Variants in GRAMD1B observed in about 807,000 individuals in gnomAD.
The protein encoded by GRAMD1B is protein Aster-B.
GRAMD1B carries 37 observed loss-of-function variants against 99.7 expected under a neutral mutation model. The ratio of observed to expected loss-of-function variants is 0.37; its 90% confidence interval spans 0.29 to 0.49. The LOEUF (loss-of-function observed/expected upper bound fraction) is 0.49, where lower values mean the gene tolerates loss of function less well. GRAMD1B is among the 20% of genes least tolerant of loss of function. The probability of loss-of-function intolerance (pLI) is 0.98; values close to 1 mark genes in which losing one functional copy is unlikely to be tolerated. For synonymous variants in GRAMD1B, 427 were observed against 387.6 expected (o/e 1.10, Z -1.19); for missense variants, 888 against 1,009.2 (o/e 0.88, Z 1.63).
At chr11:123,514,897 G>C (rs1045889500) in intron 2 of GRAMD1B, among the ~76,000 whole-genome samples, 5 of 152,168 alleles carry the variant, frequency 3.3e-5, no homozygotes, top group Non-Finnish European at 4.4e-5. Flanking sequence ...CAGGGATTGT[G>C]TGTTTTGTTT....
chr11:123,607,019 G>A (rs764625336), intron 11 of GRAMD1B, among the ~76,000 whole-genome samples: 12 of 152,100 alleles, frequency 7.9e-5, no homozygotes, highest in Non-Finnish European at 1.6e-4. Context: ...ATTTAGTCTT[G>A]TCACTAAATG....
At chr11:123,400,684 C>T (rs1301617254) in intron 1 of GRAMD1B, among the ~76,000 whole-genome samples, 2 of 152,020 alleles carry the variant, frequency 1.3e-5, no homozygotes, top group African/African-American at 4.8e-5. Context: ...AGGGCTCCAC[C>T]CTCATGACCT....
intron 1 of GRAMD1B, among the ~76,000 whole-genome samples, chr11:123,458,099 A>G (rs1950244152): frequency 6.6e-6 from 1 of 152,146 alleles, no homozygotes. Flanking sequence ...ACCTAGTTGG[A>G]GTTCTGAGAG....
At chr11:123,466,473 GAAAGAAAGAAAGAA>G (rs1158574136) in intron 1 of GRAMD1B, among the ~76,000 whole-genome samples, 75 of 148,850 alleles carry the variant, frequency 5.0e-4, no homozygotes, top group East Asian at 1.4e-3. Context: ...AGAAAGAAAA[GAAAGAAAGAAAGAA>G]AAAGAAAGAA....
intron 2 of GRAMD1B, among the ~76,000 whole-genome samples, chr11:123,497,325 AC>A (rs1031399380): frequency 1.1e-4 from 17 of 152,016 alleles, no homozygotes; most frequent in Admixed American, 6.6e-5. Flanking sequence ...AAACAGAAGC[AC>A]CCCTGTCGCC....
At chr11:123,483,762 A>G (rs1032599126) in intron 2 of GRAMD1B, among the ~76,000 whole-genome samples, 3 of 152,124 alleles carry the variant, frequency 2.0e-5, no homozygotes, top group African/African-American at 7.2e-5. Flanking sequence ...TCCCCTTCAT[A>G]GGAGTGTTCA....
intron 1 of GRAMD1B, among the ~76,000 whole-genome samples, chr11:123,389,813 T>C (rs1479117108): frequency 6.6e-6 from 1 of 152,144 alleles, no homozygotes; most frequent in Non-Finnish European, 1.5e-5. Flanking sequence ...TGGTACAATC[T>C]GGGCTCACTG....
intron 1 of GRAMD1B, among the ~76,000 whole-genome samples, chr11:123,434,704 C>G (rs1057480473): frequency 6.6e-6 from 1 of 152,166 alleles, no homozygotes; most frequent in Non-Finnish European, 1.5e-5. Flanking sequence ...ATGAGAATTG[C>G]TTGAACTTTG....
intron 4 of GRAMD1B, 149 bp from the exon 5 acceptor site, chr11:123,593,933 T>C: frequency 1.6e-6 from 1 of 633,856 alleles, no homozygotes. Context: ...CGAGGCGCCG[T>C]TCCTCAGCCT....
intron 1 of GRAMD1B, among the ~76,000 whole-genome samples, chr11:123,422,737 T>G (rs865874646): frequency 6.6e-6 from 1 of 152,212 alleles, no homozygotes; most frequent in African/African-American, 2.4e-5. Flanking sequence ...TCTGCACATG[T>G]GGGTCTTCTG....
At chr11:123,426,180 A>C (rs1024685950), upstream of GRAMD1B, among the ~76,000 whole-genome samples, 31 of 152,196 alleles carry the variant, frequency 2.0e-4, no homozygotes, top group African/African-American at 5.3e-4. Flanking sequence ...TCTGGGTCTT[A>C]GAGACCCACA....
rs532585418 is a variant in GRAMD1B, at chr11:123,593,687, G to A, written c.685-395G>A. The stretch of plus-strand genomic sequence containing the variant: ...GGTGCTCTGGGCAACATCATGGGGG[G>A]CTGGGCAGCCTTCTTGGGTCCCTGC... On this transcript the variant is annotated intron_variant, in intron 4 of 19. Transcript: ENST00000635736. 1.4e-4 allele frequency among the ~76,000 whole-genome samples: 21 copies of A among 152,322 alleles called. No homozygotes were observed. In the South Asian group the frequency reaches 4.3e-3, roughly 32 times the overall value.
chr11:123,516,306 C>T (rs57155742), intron 2 of GRAMD1B, among the ~76,000 whole-genome samples: 4,615 of 152,232 alleles, frequency 0.03, 237 homozygotes, highest in African/African-American at 0.11. Context: ...TGTTGTGATG[C>T]TGAGAGAAGG....
intron 1 of GRAMD1B, among the ~76,000 whole-genome samples, chr11:123,462,890 T>TAAAAAAAAAAAAAAA (rs55643501): frequency 1.4e-4 from 17 of 123,066 alleles, no homozygotes; most frequent in African/African-American, 2.9e-4. Context: ...AAAAAATAAA[T>TAAAAAAAAAAAAAAA]TAAAAAAAAA....
At chr11:123,502,649 C>T (rs1054500091) in intron 2 of GRAMD1B, among the ~76,000 whole-genome samples, 1 of 151,932 alleles carries the variant, frequency 6.6e-6, no homozygotes, top group Non-Finnish European at 1.5e-5. Context: ...GAAGTGCGTG[C>T]CTGTAATCCC....
chr11:123,558,088 A>T (rs1029944297), intron 2 of GRAMD1B, among the ~76,000 whole-genome samples: 1 of 148,772 alleles, frequency 6.7e-6, no homozygotes, highest in African/African-American at 2.5e-5. Context: ...GGTTCAAGAG[A>T]TTCTCCTGCC....
intron 1 of GRAMD1B, among the ~76,000 whole-genome samples, chr11:123,377,463 G>T (rs1047596349): frequency 6.6e-6 from 1 of 152,102 alleles, no homozygotes; most frequent in African/African-American, 2.4e-5. Flanking sequence ...TTGAGCAGTC[G>T]CCAGAGTATA....
At chr11:123,480,982 C>A in intron 2 of GRAMD1B, 89 bp downstream of exon 2, 1 of 397,004 alleles carries the variant, frequency 2.5e-6, no homozygotes, top group Non-Finnish European at 4.4e-6. Context: ...CTGCTCTGTG[C>A]AAAAAAATGT....
chr11:123,493,486 C>T (rs1464869315), intron 2 of GRAMD1B, among the ~76,000 whole-genome samples: 4 of 152,102 alleles, frequency 2.6e-5, no homozygotes, highest in Non-Finnish European at 5.9e-5. Context: ...GTTTGACTTC[C>T]CAGTTGCCAG....
Sources: allele counts gnomAD v4.1 joint callset (sites outside exome capture counted in the v4.1 genomes callset), GRCh38; gene constraint gnomAD v4.1.1; transcripts MANE v1.5; gene names NCBI Gene and HGNC (gene_info 2026-07-23, HGNC 2026-07-21).